The following KALRN variants were observed in gnomAD, a reference collection of about 807,000 sequenced individuals.
The protein encoded by KALRN is kalirin.
A neutral mutation model predicts 353.7 loss-of-function variants in KALRN; 70 were observed. That is an observed-to-expected ratio of 0.20 (90% CI 0.16 to 0.24). The LOEUF (loss-of-function observed/expected upper bound fraction) is 0.24, where lower values mean the gene tolerates loss of function less well. Ranked by LOEUF, KALRN falls within the 10% of genes least tolerant of loss-of-function variation. The probability of loss-of-function intolerance (pLI) is 1.00; values close to 1 mark genes in which losing one functional copy is unlikely to be tolerated. For synonymous variants in KALRN, 1,391 were observed against 1,434.8 expected (o/e 0.97, Z 0.69); for missense variants, 2,791 against 3,756.7 (o/e 0.74, Z 6.72).
intron 1 of KALRN, among the ~76,000 whole-genome samples, chr3:124,206,414 A>G (rs2150446729): frequency 6.6e-6 from 1 of 152,352 alleles, no homozygotes; most frequent in East Asian, 1.9e-4. Context: ...CAGTCATACA[A>G]CTGTTCCTAA....
intron 1 of KALRN, among the ~76,000 whole-genome samples, chr3:124,199,297 T>A (rs2075739563): frequency 6.6e-6 from 1 of 152,128 alleles, no homozygotes; most frequent in South Asian, 2.1e-4. Flanking sequence ...TCTCACACAC[T>A]CCACACCACC....
chr3:124,034,210 C>A (rs565284213), intron 1 of KALRN, among the ~76,000 whole-genome samples: 1 of 152,152 alleles, frequency 6.6e-6, no homozygotes, highest in East Asian at 1.9e-4. Context: ...GCGGGGCTCC[C>A]GGCGGCCGCC....
intron 5 of KALRN, among the ~76,000 whole-genome samples, chr3:124,291,767 G>A (rs2076439140): frequency 6.6e-6 from 1 of 152,208 alleles, no homozygotes; most frequent in Admixed American, 6.5e-5. Flanking sequence ...ACCAGGCTGT[G>A]CTGTCCTTCC....
chr3:124,352,576 G>C (rs968794960), intron 10 of KALRN, among the ~76,000 whole-genome samples: 1 of 152,032 alleles, frequency 6.6e-6, no homozygotes, highest in Non-Finnish European at 1.5e-5. Context: ...ACAATTTAAA[G>C]AAAGACTTAA....
intron 33 of KALRN, among the ~76,000 whole-genome samples, chr3:124,528,602 C>T (rs1051703142): frequency 6.6e-6 from 1 of 152,160 alleles, no homozygotes; most frequent in Non-Finnish European, 1.5e-5. Flanking sequence ...AGAGTACCAG[C>T]ACACACACCC....
intron 1 of KALRN, among the ~76,000 whole-genome samples, chr3:124,186,131 T>C (rs1337630412): frequency 6.6e-6 from 1 of 152,180 alleles, no homozygotes; most frequent in East Asian, 1.9e-4. Context: ...AGTATCTTCA[T>C]AAGACCTTGA....
At chr3:124,415,077 A>G (rs1409662511) in intron 14 of KALRN, among the ~76,000 whole-genome samples, 1 of 152,210 alleles carries the variant, frequency 6.6e-6, no homozygotes, top group Non-Finnish European at 1.5e-5. Context: ...TGTGCTGTGA[A>G]CAGACTGCCT....
At chr3:124,621,286 T>A (rs892547543) in intron 34 of KALRN, among the ~76,000 whole-genome samples, 2 of 152,086 alleles carry the variant, frequency 1.3e-5, no homozygotes, top group Admixed American at 1.3e-4. Context: ...TTTAATTTAA[T>A]GGGAAAAAAT....
At chr3:124,397,254 G>C (rs1193243079) in intron 12 of KALRN, among the ~76,000 whole-genome samples, 3 of 152,170 alleles carry the variant, frequency 2.0e-5, no homozygotes, top group Non-Finnish European at 4.4e-5. Flanking sequence ...TTCATGCCTG[G>C]GGATGTCCGT....
intron 34 of KALRN, among the ~76,000 whole-genome samples, chr3:124,583,951 G>A (rs192554917): frequency 1.4e-3 from 220 of 152,322 alleles, no homozygotes; most frequent in South Asian, 4.6e-3. Context: ...CTTGAGCCCA[G>A]GAGTTCAAGA....
chr3:124,502,193 G>C (rs2064659800), intron 33 of KALRN, among the ~76,000 whole-genome samples: 1 of 152,188 alleles, frequency 6.6e-6, no homozygotes, highest in South Asian at 2.1e-4. Flanking sequence ...AGCACCCTAG[G>C]TCCCATCCCC....
At chr3:124,603,138 C>T (rs1478709240) in intron 34 of KALRN, among the ~76,000 whole-genome samples, 1 of 152,172 alleles carries the variant, frequency 6.6e-6, no homozygotes, top group African/African-American at 2.4e-5. Flanking sequence ...CAAGCATTGC[C>T]TGGCATACAC....
chr3:124,185,833 C>T (rs1050643401), intron 1 of KALRN, among the ~76,000 whole-genome samples: 5 of 152,148 alleles, frequency 3.3e-5, no homozygotes, highest in Admixed American at 3.3e-4. Context: ...GGTGGTAGTG[C>T]CCCTCCCCTT....
chr3:124,446,612 A>G, intron 20 of KALRN, 151 bp from the exon 21 acceptor site: 1 of 932,094 alleles, frequency 1.1e-6, no homozygotes. Context: ...GCTCATTCAT[A>G]AAAAAAAACT....
At chr3:124,423,693 T>G in intron 15 of KALRN, among the ~76,000 whole-genome samples, 1 of 152,078 alleles carries the variant, frequency 6.6e-6, no homozygotes, top group Admixed American at 6.6e-5. Context: ...CTGGGCAACA[T>G]GGTGAGACCG....
At chr3:124,524,474 G>C (rs1236942654) in intron 33 of KALRN, among the ~76,000 whole-genome samples, 1 of 152,180 alleles carries the variant, frequency 6.6e-6, no homozygotes, top group Admixed American at 6.5e-5. Flanking sequence ...ATGACTAGAA[G>C]TTTCATATTG....
intron 58 of KALRN, 99 bp downstream of exon 58, chr3:124,713,234 C>T (rs924633672): frequency 9.9e-7 from 1 of 1,008,754 alleles, no homozygotes; most frequent in Non-Finnish European, 1.5e-6. Flanking sequence ...ATACAAGGTC[C>T]TATCATTTGC....
intron 1 of KALRN, among the ~76,000 whole-genome samples, chr3:124,197,568 C>T (rs1003940049): frequency 3.9e-5 from 6 of 152,200 alleles, no homozygotes; most frequent in East Asian, 1.9e-4. Flanking sequence ...CTTTCCCACA[C>T]GTTCTCTGCC....
intron 32 of KALRN, 29 bp from the exon 33 acceptor site, chr3:124,496,282 C>T: frequency 6.4e-7 from 1 of 1,574,242 alleles, no homozygotes; most frequent in Non-Finnish European, 8.7e-7. Context: ...CCCACCCCCA[C>T]CCCTGTTTTT....
Sources: allele counts gnomAD v4.1 joint callset (sites outside exome capture counted in the v4.1 genomes callset), GRCh38; gene constraint gnomAD v4.1.1; transcripts MANE v1.5; gene names NCBI Gene and HGNC (gene_info 2026-07-23, HGNC 2026-07-21).